The following IL1RAPL1 variants were observed in gnomAD, a reference collection of about 807,000 sequenced individuals.
IL1RAPL1 encodes the protein interleukin 1 receptor accessory protein like 1.
A neutral mutation model predicts 48.4 loss-of-function variants in IL1RAPL1; 3 were observed. That is an observed-to-expected ratio of 0.06 (90% CI 0.03 to 0.16). IL1RAPL1 has a LOEUF of 0.16. Ranked by LOEUF, IL1RAPL1 falls within the 10% of genes least tolerant of loss-of-function variation. The pLI is 1.00. For missense variants in IL1RAPL1, 349 were observed against 530.6 expected, an observed-to-expected ratio of 0.66 and a Z score of 3.36; for synonymous variants, 185 against 187.7, an observed-to-expected ratio of 0.99 and a Z score of 0.12.
chrX:29,705,581 C>A (rs1473272359), intron 6 of IL1RAPL1, among the ~76,000 whole-genome samples: 1 of 112,213 alleles, frequency 8.9e-6, no homozygotes. Flanking sequence ...TTTCATAATC[C>A]CATTTTACAA....
At chrX:29,934,583 T>A (rs1277970754) in intron 8 of IL1RAPL1, among the ~76,000 whole-genome samples, 1 of 112,047 alleles carries the variant, frequency 8.9e-6, no homozygotes, top group Non-Finnish European at 1.9e-5. Flanking sequence ...AACAGTGCAA[T>A]AAATTTTCAT....
At chrX:28,717,727 G>A (rs1487833971) in intron 1 of IL1RAPL1, among the ~76,000 whole-genome samples, 1 of 111,247 alleles carries the variant, frequency 9.0e-6, no homozygotes, top group East Asian at 2.8e-4. Context: ...TCGAAGTGGG[G>A]AGGGGGACTG....
intron 3 of IL1RAPL1, among the ~76,000 whole-genome samples, chrX:29,295,399 T>TA (rs768757592): frequency 9.9e-5 from 11 of 111,573 alleles, no homozygotes; most frequent in African/African-American, 3.2e-4. Context: ...AGTTTGGGGG[T>TA]ACTTTCTAGG....
rs756738695 is a variant in IL1RAPL1, at chrX:29,538,912, G to T, written c.704-129518G>T. Among the ~76,000 whole-genome samples the T allele has an allele frequency of 2.7e-5, 3 of 111,398 alleles. No homozygotes were observed. The East Asian group carries it at 8.4e-4, about 31-fold the overall frequency. ...TCTTTTGCAAGATGCTTCAGATTTT[G>T]TAAACTCCTTTTGCTCTTAAAAGAA... On this transcript the variant is annotated intron_variant, in intron 5 of 10. Coordinates refer to ENST00000378993, the MANE Select transcript of IL1RAPL1 (RefSeq NM_014271.4).
intron 2 of IL1RAPL1, among the ~76,000 whole-genome samples, chrX:28,793,031 A>G (rs764728466): frequency 3.8e-5 from 4 of 105,494 alleles, no homozygotes; most frequent in Non-Finnish European, 5.8e-5. Flanking sequence ...AAGACTTTTA[A>G]TATCTATGGA....
chrX:29,444,429 T>C (rs1214568618), intron 5 of IL1RAPL1, among the ~76,000 whole-genome samples: 1 of 108,596 alleles, frequency 9.2e-6, no homozygotes, highest in African/African-American at 3.3e-5. Context: ...AAATCTGTCA[T>C]TCTAGGCCAG....
At chrX:29,794,597 C>A in intron 6 of IL1RAPL1, among the ~76,000 whole-genome samples, 1 of 111,778 alleles carries the variant, frequency 8.9e-6, no homozygotes, top group Non-Finnish European at 1.9e-5. Context: ...TGAACTTAAG[C>A]CTTCAAGTTC....
At chrX:29,115,702 T>A (rs1001185397) in intron 2 of IL1RAPL1, among the ~76,000 whole-genome samples, 14 of 110,919 alleles carry the variant, frequency 1.3e-4, no homozygotes, top group African/African-American at 4.6e-4. Context: ...CACTTTTGCC[T>A]TTCATATAGG....
At chrX:29,204,211 C>T (rs990260523) in intron 2 of IL1RAPL1, among the ~76,000 whole-genome samples, 6 of 111,643 alleles carry the variant, frequency 5.4e-5, no homozygotes, top group African/African-American at 1.3e-4. Flanking sequence ...ATATACTAAT[C>T]GCCTTTCTTT....
chrX:29,577,580 A>G (rs1278076087), intron 5 of IL1RAPL1, among the ~76,000 whole-genome samples: 3 of 112,190 alleles, frequency 2.7e-5, no homozygotes, highest in East Asian at 2.8e-4. Flanking sequence ...ATGCAGCTGT[A>G]TGATATATAT....
At chrX:28,890,423 T>C (rs1922742952) in intron 2 of IL1RAPL1, among the ~76,000 whole-genome samples, 2 of 111,643 alleles carry the variant, frequency 1.8e-5, no homozygotes, top group African/African-American at 6.5e-5. Flanking sequence ...ACTTAATATC[T>C]TACATTTATT....
chrX:29,534,568 C>T (rs1182713550), intron 5 of IL1RAPL1, among the ~76,000 whole-genome samples: 9 of 111,645 alleles, frequency 8.1e-5, no homozygotes, highest in Non-Finnish European at 1.3e-4. Flanking sequence ...GGTGTGGTGA[C>T]TCATGCCTAT....
intron 3 of IL1RAPL1, among the ~76,000 whole-genome samples, chrX:29,350,263 C>A (rs527834029): frequency 3.5e-5 from 3 of 84,782 alleles, no homozygotes; most frequent in South Asian, 1.3e-3. Flanking sequence ...CCCCCCCCCC[C>A]ACCTGGCTCA....
intron 5 of IL1RAPL1, among the ~76,000 whole-genome samples, chrX:29,493,909 T>A (rs369638654): frequency 9.0e-6 from 1 of 111,089 alleles, no homozygotes; most frequent in African/African-American, 3.3e-5. Context: ...AGTATCATTT[T>A]TTTGAAACAG....
intron 6 of IL1RAPL1, among the ~76,000 whole-genome samples, chrX:29,826,083 T>C (rs757567930): frequency 3.6e-5 from 4 of 111,552 alleles, no homozygotes; most frequent in Non-Finnish European, 7.5e-5. Flanking sequence ...TAACCTGTGT[T>C]TCTGGAACCT....
At chrX:28,834,381 T>C (rs1396865913) in intron 2 of IL1RAPL1, among the ~76,000 whole-genome samples, 1 of 111,404 alleles carries the variant, frequency 9.0e-6, no homozygotes, top group Non-Finnish European at 1.9e-5. Context: ...TACACAGTAA[T>C]TTTTTATTCA....
At position 28,761,052 on chromosome X, in the gene IL1RAPL1, A is replaced by T. The variant is rs1234847133; in HGVS notation, c.-24-28268A>T. On this transcript the variant is annotated intron_variant, in intron 1 of 10. Transcript: ENST00000378993. ...TAGTGAGCTGAGATCCCACCACTGC[A>T]CTCCAGCCTGGGCAACAGAGCGAGA... Among the ~76,000 whole-genome samples the T allele has an allele frequency of 1.0e-4, 11 of 104,920 alleles. No individual in the cohort carries two copies. In the Admixed American group the frequency reaches 1.2e-3, roughly 11 times the overall value. The allele number at this position is 104,920 out of a possible 115,157, so 91.1% of individuals were successfully genotyped here.
chrX:28,936,837 G>A (rs752940361), intron 2 of IL1RAPL1, among the ~76,000 whole-genome samples: 9 of 111,055 alleles, frequency 8.1e-5, no homozygotes, highest in Non-Finnish European at 1.1e-4. Flanking sequence ...ATACATCCAT[G>A]CTTCTTTGAC....
intron 8 of IL1RAPL1, among the ~76,000 whole-genome samples, chrX:29,941,018 G>A (rs1038440362): frequency 8.9e-6 from 1 of 112,329 alleles, no homozygotes; most frequent in African/African-American, 3.2e-5. Flanking sequence ...GGAAGATACA[G>A]CAGAGGAGCT....
Sources: allele counts gnomAD v4.1 joint callset (sites outside exome capture counted in the v4.1 genomes callset), GRCh38; gene constraint gnomAD v4.1.1; transcripts MANE v1.5; gene names NCBI Gene and HGNC (gene_info 2026-07-23, HGNC 2026-07-21).